HOXA2: variants seen among roughly 807,000 people sequenced by gnomAD.
HOXA2 encodes homeobox A2.
In HOXA2, 4 loss-of-function variants were observed where a neutral mutation model predicts 27.2. That is an observed-to-expected ratio of 0.15 (90% CI 0.07 to 0.34). The LOEUF is 0.34. Ranked by LOEUF, HOXA2 falls within the 10% of genes least tolerant of loss-of-function variation. The pLI is 1.00. For synonymous variants in HOXA2, 200 were observed against 202.8 expected, an observed-to-expected ratio of 0.99 and a Z score of 0.12; for missense variants, 430 against 473.2, an observed-to-expected ratio of 0.91 and a Z score of 0.85.
In HOXA2 at chr7:27,102,637, C is replaced by T. The variant is rs1014696187; in HGVS notation, c.-137G>A. 1 of 789,144 alleles carries T rather than the reference C, an allele frequency of 1.3e-6. No individual in the cohort carries two copies. Among genetic ancestry groups the T allele is most frequent in the South Asian group, 1.5e-5 (1 of 65,220 alleles). The allele number at this position is 789,144 out of a possible 1,614,324, so 48.9% of individuals were successfully genotyped here. A position where few individuals can be genotyped will look rare whatever the true frequency, so the allele number is the denominator to read the frequency against. ...ATATCGCTGCTAGGGTGTTTTTTTT[C>T]TAATTCACTGATTACAGCCGTATGG... On this transcript the variant is annotated 5_prime_UTR_variant, in exon 1 of 2. Transcript: ENST00000222718. The surrounding 1 kb of genome is among the most constrained non-coding windows in gnomAD (Gnocchi z 4.6).
intron 1 of HOXA2, 139 bp downstream of exon 1, chr7:27,101,971 G>T (rs1433484808): frequency 3.3e-6 from 4 of 1,229,004 alleles, no homozygotes; most frequent in Non-Finnish European, 4.6e-6. Flanking sequence ...ACCCACAGGG[G>T]CAGGGACAAG....
rs1043596130 is a variant in HOXA2 at position 27,100,811 on chromosome 7, T to C, written c.1046A>G (p.Asp349Gly). ...AVSPSLPGSL[D>G]SPVDISADSL... is the part of the protein sequence containing the mutation. The stretch of plus-strand genomic sequence containing the variant: ...GTCAGCTGAAATATCTACGGGACTG[T>C]CGAGGGAACCTGGCAAACTGGGTGA... The change falls in exon 2 of 2, where the codon GAC becomes GGC. Residue 349 changes from aspartate to glycine, a missense_variant. By Grantham distance (94) the Asp-to-Gly change is moderately conservative (BLOSUM62 -1). This residue lies in a region of HOXA2 where 236 missense variants were observed against 208.5 expected (regional missense o/e 1.13). Transcript: ENST00000222718. 4.3e-6 allele frequency: 7 copies of C among 1,614,208 alleles called. No homozygotes were observed. The highest frequency in any genetic ancestry group is 5.9e-6 in the Non-Finnish European group (7 of 1,180,036).
rs780582283 is a variant in HOXA2, at chr7:27,101,258, C to G, written c.599G>C (p.Arg200Thr). 2.5e-6 allele frequency: 4 copies of G among 1,614,214 alleles called. No homozygotes were observed. The highest frequency in any genetic ancestry group is 3.4e-6 in the Non-Finnish European group (4 of 1,180,036). ...WFQNRRMKHKRQTQCKENQNS... is the reference protein window; with the variant it reads ...WFQNRRMKHKTQTQCKENQNS... ...TTGGTTTTCCTTGCACTGGGTCTGCCTCTTGTGCTTCATCCTCCGGTTCTG... is the reference window on the plus strand; with the variant it reads ...TTGGTTTTCCTTGCACTGGGTCTGCGTCTTGTGCTTCATCCTCCGGTTCTG... The change falls in exon 2 of 2, where the codon AGG (arginine) becomes ACG (threonine). Residue 200 changes from arginine (R) to threonine (T), a missense_variant. Physicochemically the swap from Arg to Thr is moderately conservative, Grantham distance 71 (BLOSUM62 -1). Transcript: ENST00000222718.
In HOXA2 at chr7:27,102,495, A is replaced by G; in HGVS notation, c.6T>C (p.Asn2=). The change falls in exon 1 of 2, where the codon AAT becomes AAC. Residue 2 remains asparagine, a synonymous_variant. Coordinates refer to ENST00000222718, the MANE Select transcript of HOXA2 (RefSeq NM_006735.4). This position sits in a 1 kb window ranked among gnomAD's most constrained non-coding sequence, Gnocchi z 4.6. M[N]YEFEREIGFI... ...AACCAATCTCTCGCTCAAATTCGTA[A>G]TTCATGGCCTTCTCCTTGGAGCCCC... 6.2e-7 allele frequency: 1 copy of G among 1,613,714 alleles called. No homozygotes were observed. Among genetic ancestry groups the G allele is most frequent in the Non-Finnish European group, 8.5e-7 (1 of 1,179,936 alleles).
At position 27,100,882 on chromosome 7, in the gene HOXA2, A is replaced by G. The variant is rs762955685; in HGVS notation, c.975T>C (p.Phe325=). Residue 325 remains phenylalanine (F), a synonymous_variant, in exon 2 of 2, where the codon TTT becomes TTC. Transcript: ENST00000222718. ...GGCAGGAATCTGTGGAGAAAACGCT[A>G]AAGTCCTGCAAAGAGGGGACCTCAA... The part of the protein sequence containing the change: ...EALEVPSLQD[F]SVFSTDSCLQ... 15 of 1,614,248 alleles carry G rather than the reference A, an allele frequency of 9.3e-6. No individual in the cohort carries two copies. The East Asian group carries it at 1.1e-4, about 12-fold the overall frequency.
Position 27,101,309 on chromosome 7 carries a change from G to C in HOXA2, c.548C>G (p.Thr183Ser). 1 of 1,614,132 alleles carries C rather than the reference G, an allele frequency of 6.2e-7. No individual in the cohort carries two copies. ...AAACCACACTTTCACTTGTCTCTCA[G>C]TCAAATCCAGCAGCGCTGCAATCTC... ...RVEIAALLDL[T>S]ERQVKVWFQN... Residue 183 changes from threonine (T) to serine (S), a missense_variant, in exon 2 of 2, where the codon ACT becomes AGT. Physicochemically the swap from Thr to Ser is moderately conservative, Grantham distance 58 (BLOSUM62 1). Coordinates refer to ENST00000222718, the MANE Select transcript of HOXA2 (RefSeq NM_006735.4).
intron 1 of HOXA2, 194 bp from the exon 2 acceptor site, chr7:27,101,659 T>A: frequency 1.4e-6 from 1 of 699,850 alleles, no homozygotes. Context: ...CCTCCATCTC[T>A]ATCGAATTCA....
chr7:27,101,668 C>T, intron 1 of HOXA2: 1 of 684,624 alleles, frequency 1.5e-6, no homozygotes, highest in Non-Finnish European at 2.6e-6. Flanking sequence ...CTATCGAATT[C>T]ATGCCTGTGG....
chr7:27,100,831 G>A lies in HOXA2; in HGVS notation c.1026C>T (p.Pro342=). Residue 342 remains proline, a synonymous_variant, in exon 2 of 2, where the codon CCC becomes CCT. Coordinates refer to ENST00000222718, the MANE Select transcript of HOXA2 (RefSeq NM_006735.4). ...SCLQLSDAVS[P]SLPGSLDSPV... Reference sequence around the variant, plus strand: ...GACTGTCGAGGGAACCTGGCAAACTGGGTGAAACTGCATCTGAAAGCTGCA... The same window carrying A: ...GACTGTCGAGGGAACCTGGCAAACTAGGTGAAACTGCATCTGAAAGCTGCA... The A allele has an allele frequency of 6.2e-7, 1 of 1,614,192 alleles. No individual in the cohort carries two copies. Among genetic ancestry groups the A allele is most frequent in the Non-Finnish European group, 8.5e-7 (1 of 1,180,034 alleles).
Position 27,102,674 on chromosome 7 carries a change from C to A in HOXA2, c.-174G>T, listed in dbSNP as rs1016056646. 3.3e-6 allele frequency: 2 copies of A among 611,292 alleles called. No homozygotes were observed. Among genetic ancestry groups the A allele is most frequent in the Admixed American group, 2.8e-5 (1 of 35,466 alleles). The allele number at this position is 611,292 out of a possible 1,614,324, so 37.9% of individuals were successfully genotyped here. A position where few individuals can be genotyped will look rare whatever the true frequency, so the allele number is the denominator to read the frequency against. ...TTACAGCCGTATGGGGACCGCGCTA[C>A]TATTAAACTATTGAATTCATGGAGA... On this transcript the variant is annotated 5_prime_UTR_variant, in exon 1 of 2. Transcript: ENST00000222718. This position sits in a 1 kb window ranked among gnomAD's most constrained non-coding sequence, Gnocchi z 4.6.
chr7:27,102,223 G>T lies in HOXA2; in HGVS notation c.278C>A (p.Pro93His). ...CTTCTCCTTCATCCAGGGGTACTCG[G>T]GCGGCTGCAGGGCGCCGGCGGGCAC... Reference protein sequence around the residue: ...SPVPAGALQPPEYPWMKEKKA... With the variant: ...SPVPAGALQPHEYPWMKEKKA... The change falls in exon 1 of 2, where the codon CCC becomes CAC. Residue 93 changes from proline to histidine, a missense_variant. Pro to His is a moderately conservative substitution (Grantham distance 77). Transcript: ENST00000222718. This position sits in a 1 kb window ranked among gnomAD's most constrained non-coding sequence, Gnocchi z 4.6. The T allele has an allele frequency of 1.3e-6, 2 of 1,509,392 alleles. No homozygotes were observed. Among genetic ancestry groups the T allele is most frequent in the African/African-American group, 2.9e-5 (2 of 69,282 alleles). 93.5% of individuals were successfully genotyped at this position (1,509,392 alleles called of 1,614,324 possible).
rs1562704437 is a variant in HOXA2, at chr7:27,102,585, C to T, written c.-85G>A. The T allele has an allele frequency of 2.2e-6, 3 of 1,355,796 alleles. No homozygotes were observed. Among genetic ancestry groups the T allele is most frequent in the Non-Finnish European group, 2.1e-6 (2 of 964,502 alleles). 84.0% of individuals were successfully genotyped at this position (1,355,796 alleles called of 1,614,324 possible). A position where few individuals can be genotyped will look rare whatever the true frequency, so the allele number is the denominator to read the frequency against. ...GGGCAAGGCCTAGGAAAAAGGCGAG[C>T]GCAGAGGAAAAAAAATCTATCATAG... On this transcript the variant is annotated 5_prime_UTR_variant, in exon 1 of 2. Coordinates refer to ENST00000222718, the MANE Select transcript of HOXA2 (RefSeq NM_006735.4). This position sits in a 1 kb window ranked among gnomAD's most constrained non-coding sequence, Gnocchi z 4.6.
chr7:27,100,905 C>G lies in HOXA2; in HGVS notation c.952G>C (p.Glu318Gln), dbSNP rs765698807. 13 of 1,614,088 alleles carry G rather than the reference C, an allele frequency of 8.1e-6. No individual in the cohort carries two copies. In the Admixed American group the frequency reaches 2.2e-4, roughly 27 times the overall value. ...CTAAAGTCCTGCAAAGAGGGGACCT[C>G]AAGGGCCTCAGGACTGTCATTGTTT... is the stretch of plus-strand genomic sequence containing the variant. ...GLNNDSPEAL[E>Q]VPSLQDFSVF... Residue 318 changes from glutamate to glutamine, a missense_variant, in exon 2 of 2, where the codon GAG (glutamate) becomes CAG (glutamine). Glu to Gln is a conservative substitution (Grantham distance 29, BLOSUM62 2). This residue lies in a region of HOXA2 where 236 missense variants were observed against 208.5 expected (regional missense o/e 1.13). Coordinates refer to ENST00000222718, the MANE Select transcript of HOXA2 (RefSeq NM_006735.4).
Position 27,101,227 on chromosome 7 carries a change from G to C in HOXA2, c.630C>G (p.Ser210Arg), listed in dbSNP as rs377466867. The C allele has an allele frequency of 1.2e-6, 2 of 1,614,056 alleles. No homozygotes were observed. Among genetic ancestry groups the C allele is most frequent in the Admixed American group, 1.7e-5 (1 of 60,014 alleles). ...RQTQCKENQN[S>R]EGKCKSLEDS... Reference sequence around the variant, plus strand: ...CCTCAAGGCTTTTACATTTCCCTTCGCTGTTTTGGTTTTCCTTGCACTGGG... The same window carrying C: ...CCTCAAGGCTTTTACATTTCCCTTCCCTGTTTTGGTTTTCCTTGCACTGGG... The change falls in exon 2 of 2, where the codon AGC becomes AGG. Residue 210 changes from serine (S) to arginine (R), a missense_variant. By Grantham distance (110) the Ser-to-Arg change is moderately radical (BLOSUM62 -1). Around this residue, in one of 4 missense-constraint regions of HOXA2, gnomAD observed 236 missense variants for 208.5 expected, o/e 1.13. Coordinates refer to ENST00000222718, the MANE Select transcript of HOXA2 (RefSeq NM_006735.4).
At chr7:27,101,993 T>C in intron 1 of HOXA2, 117 bp downstream of exon 1, 1 of 1,443,250 alleles carries the variant, frequency 6.9e-7, no homozygotes, top group Non-Finnish European at 9.4e-7. Flanking sequence ...CAACCAAGCA[T>C]CTCTCCCTCT....
Position 27,100,812 on chromosome 7 carries a change from C to A in HOXA2, c.1045G>T (p.Asp349Tyr), listed in dbSNP as rs1317894094. 1.2e-6 allele frequency: 2 copies of A among 1,614,030 alleles called. No homozygotes were observed. The highest frequency in any genetic ancestry group is 1.7e-6 in the Non-Finnish European group (2 of 1,180,042). The stretch of plus-strand genomic sequence containing the variant: ...TCAGCTGAAATATCTACGGGACTGT[C>A]GAGGGAACCTGGCAAACTGGGTGAA... Reference protein sequence around the residue: ...AVSPSLPGSLDSPVDISADSL... With the variant: ...AVSPSLPGSLYSPVDISADSL... The change falls in exon 2 of 2, where the codon GAC becomes TAC. Residue 349 changes from aspartate (D) to tyrosine (Y), a missense_variant. Transcript: ENST00000222718.
rs1346244886 is a variant in HOXA2, at chr7:27,100,952, C to T, written c.905G>A (p.Gly302Asp). The T allele has an allele frequency of 6.2e-7, 1 of 1,614,164 alleles. No individual in the cohort carries two copies. The highest frequency in any genetic ancestry group is 1.7e-5 in the Admixed American group (1 of 60,022). ...PTVPNCLSTM[G>D]QNCGAGLNND... ...GTTTAGGCCAGCTCCACAGTTCTGGCCCATTGTTGACAAGCAGTTGGGAAC... is the reference window on the plus strand; with the variant it reads ...GTTTAGGCCAGCTCCACAGTTCTGGTCCATTGTTGACAAGCAGTTGGGAAC... Residue 302 changes from glycine to aspartate, a missense_variant, in exon 2 of 2, where the codon GGC becomes GAC. By Grantham distance (94) the Gly-to-Asp change is moderately conservative (BLOSUM62 -1). Transcript: ENST00000222718.
rs143688829 is a variant in HOXA2 at position 27,102,558 on chromosome 7, G to A, written c.-58C>T. The A allele has an allele frequency of 1.9e-5, 30 of 1,558,270 alleles. No homozygotes were observed. Among genetic ancestry groups the A allele is most frequent in the Non-Finnish European group, 2.4e-5 (27 of 1,137,046 alleles). On this transcript the variant is annotated 5_prime_UTR_variant, in exon 1 of 2. Coordinates refer to ENST00000222718, the MANE Select transcript of HOXA2 (RefSeq NM_006735.4). The surrounding 1 kb of genome is among the most constrained non-coding windows in gnomAD (Gnocchi z 4.6). Reference sequence around the variant, plus strand: ...GTTCCCTCTTTTGGAGGGGCTTTGGGGGGGCAAGGCCTAGGAAAAAGGCGA... The same window carrying A: ...GTTCCCTCTTTTGGAGGGGCTTTGGAGGGGCAAGGCCTAGGAAAAAGGCGA...
chr7:27,102,040 C>A lies in HOXA2; in HGVS notation c.391+70G>T. The A allele has an allele frequency of 6.3e-7, 1 of 1,586,624 alleles. No individual in the cohort carries two copies. The highest frequency in any genetic ancestry group is 8.6e-7 in the Non-Finnish European group (1 of 1,168,298). On this transcript the variant is annotated intron_variant, in intron 1 of 1. Transcript: ENST00000222718. The surrounding 1 kb of genome is among the most constrained non-coding windows in gnomAD (Gnocchi z 4.6). ...CCCAGCCCACTCTCCCCTCCCCCCACAGCCACTCTCGGGGCAGCCCGGAGA... is the reference window on the plus strand; with the variant it reads ...CCCAGCCCACTCTCCCCTCCCCCCAAAGCCACTCTCGGGGCAGCCCGGAGA...
Sources: gnomAD v4.1 joint callset for allele counts on GRCh38, gnomAD v4.1.1 for gene constraint, gnomAD v4.1.1 regional missense constraint, Gnocchi (gnomAD v3.1) non-coding constraint, MANE v1.5 for transcripts, NCBI Gene and HGNC (gene_info 2026-07-23, HGNC 2026-07-21) for gene names.